TTC13: variants seen among roughly 807,000 people sequenced by gnomAD.
TTC13 encodes the protein tetratricopeptide repeat protein 13.
TTC13 carries 62 observed loss-of-function variants against 120.0 expected under a neutral mutation model. The observed-to-expected ratio is 0.52, with a 90% CI of 0.42 to 0.64. The LOEUF is 0.64. TTC13 is among the 30% of genes least tolerant of loss of function. TTC13 has a pLI of 0.00. For missense variants in TTC13, 824 were observed against 1,050.2 expected (o/e 0.78, Z 2.98); for synonymous variants, 384 against 393.5 (o/e 0.98, Z 0.28).
chr1:230,929,234 C>G, intron 11 of TTC13, 141 bp from the exon 12 acceptor site: 4 of 851,656 alleles, frequency 4.7e-6, no homozygotes, highest in Non-Finnish European at 7.0e-6. Context: ...TAGTAAGTCA[C>G]TATTAGTATA....
In TTC13 at chr1:230,942,875, C is replaced by G. The variant is rs530720080; in HGVS notation, c.672+931G>C. On this transcript the variant is annotated intron_variant, in intron 6 of 22. Coordinates refer to ENST00000366661, the MANE Select transcript of TTC13 (RefSeq NM_024525.5). The surrounding 1 kb of genome is among the most constrained non-coding windows in gnomAD (Gnocchi z 4.0). ...ACACTCCCAACATTCCCCTTCTTCTCTTCCCAAAGAAGCGCCTCCTCTGTC... is the reference window on the plus strand; with the variant it reads ...ACACTCCCAACATTCCCCTTCTTCTGTTCCCAAAGAAGCGCCTCCTCTGTC... 1.5e-3 allele frequency among the ~76,000 whole-genome samples: 231 copies of G among 152,324 alleles called. 2 individuals are homozygous for G. Among genetic ancestry groups the G allele is most frequent in the Middle Eastern group, 0.014 (4 of 294 alleles).
intron 12 of TTC13, 152 bp from the exon 13 acceptor site, chr1:230,925,799 T>G: frequency 1.3e-6 from 1 of 772,650 alleles, no homozygotes; most frequent in Non-Finnish European, 2.1e-6. Flanking sequence ...CACCCAACCA[T>G]ACCTCAGCTT....
intron 8 of TTC13, among the ~76,000 whole-genome samples, chr1:230,938,202 G>A (rs1436937174): frequency 6.6e-6 from 1 of 152,130 alleles, no homozygotes; most frequent in Non-Finnish European, 1.5e-5. Flanking sequence ...CCACCTTCTG[G>A]GGCTCCTGTC....
At chr1:230,925,266 A>C (rs758692748) in intron 13 of TTC13, among the ~76,000 whole-genome samples, 9 of 152,240 alleles carry the variant, frequency 5.9e-5, no homozygotes, top group Admixed American at 2.6e-4. Context: ...TCCCTGGATC[A>C]GCTGTCTGAT....
At chr1:230,951,774 A>C (rs1675608028) in intron 4 of TTC13, among the ~76,000 whole-genome samples, 1 of 81,346 alleles carries the variant, frequency 1.2e-5, no homozygotes, top group African/African-American at 4.4e-5. Context: ...AAGAGTAATT[A>C]GATTTAGAGA....
chr1:230,968,868 C>A (rs538898261), intron 1 of TTC13, among the ~76,000 whole-genome samples: 1 of 152,308 alleles, frequency 6.6e-6, no homozygotes, highest in African/African-American at 2.4e-5. Flanking sequence ...AGCTCTCTAG[C>A]ATGTAGTTAA....
chr1:230,935,628 A>G (rs1280104492), intron 8 of TTC13, among the ~76,000 whole-genome samples: 2 of 152,096 alleles, frequency 1.3e-5, no homozygotes, highest in East Asian at 3.9e-4. Context: ...TAACGTGGGA[A>G]GCTGGGCCAG....
rs1674447261 is a variant in TTC13 at position 230,940,617 on chromosome 1, T to C, written c.673-61A>G. The stretch of plus-strand genomic sequence containing the variant: ...AATGACCAACCCTAAAATCCCAATG[T>C]TTTTGACTCTTCAATTCCACCTCAC... On this transcript the variant is annotated intron_variant, in intron 6 of 22. Transcript: ENST00000366661. This position sits in a 1 kb window ranked among gnomAD's most constrained non-coding sequence, Gnocchi z 4.1. The C allele has an allele frequency of 9.3e-6, 10 of 1,080,902 alleles. No homozygotes were observed. Among genetic ancestry groups the C allele is most frequent in the Non-Finnish European group, 1.4e-5 (10 of 707,810 alleles). 67.0% of individuals were successfully genotyped at this position (1,080,902 alleles called of 1,614,324 possible). A position where few individuals can be genotyped will look rare whatever the true frequency, so the allele number is the denominator to read the frequency against.
chr1:230,931,419 G>A lies in TTC13; in HGVS notation c.1179C>T (p.Leu393=). Residue 393 remains leucine, a synonymous_variant, in exon 11 of 23, where the codon CTC becomes CTT. Transcript: ENST00000366661. ...YNEVCQYMKG[L]SHVAMGQFYE... ...AAAACTGTCCCATGGCAACATGGCT[G>A]AGCCCTTTCATATACTGGCACACTT... 1.2e-6 allele frequency: 2 copies of A among 1,614,182 alleles called. No homozygotes were observed. Among genetic ancestry groups the A allele is most frequent in the Non-Finnish European group, 1.7e-6 (2 of 1,180,032 alleles).
At position 230,925,598 on chromosome 1, in the gene TTC13, G is replaced by T; in HGVS notation, c.1507C>A (p.Leu503Met). Residue 503 changes from leucine (L) to methionine (M), a missense_variant, in exon 13 of 23, where the codon CTG becomes ATG. Physicochemically the swap from Leu to Met is conservative, Grantham distance 15 (BLOSUM62 2). Transcript: ENST00000366661. ...FESYKPEVQE[L>M]ICVADRLGSL... ...CCCAAACGATCAGCCACACAAATCA[G>T]CTCCTGTACTTCAGGCTTATAACTC... The T allele has an allele frequency of 6.2e-7, 1 of 1,614,058 alleles. No individual in the cohort carries two copies.
At chr1:230,939,136 G>A (rs534791726) in intron 8 of TTC13, among the ~76,000 whole-genome samples, 16 of 152,276 alleles carry the variant, frequency 1.1e-4, no homozygotes, top group African/African-American at 3.9e-4. Flanking sequence ...ACATTCTTGA[G>A]TATGTTTACC....
rs140400255 is a variant in TTC13 at position 230,906,915 on chromosome 1, T to G, written c.2573A>C (p.Lys858Thr). 188 of 1,503,376 alleles carry G rather than the reference T, an allele frequency of 1.3e-4. No homozygotes were observed. Among genetic ancestry groups the G allele is most frequent in the Middle Eastern group, 1.8e-4 (1 of 5,644 alleles). 93.1% of individuals were successfully genotyped at this position (1,503,376 alleles called of 1,614,324 possible). A position where few individuals can be genotyped will look rare whatever the true frequency, so the allele number is the denominator to read the frequency against. ...AATACAGCAGCAGAACTAGAGTTTC[T>G]TAAGACAACGTGGAGAAGAGTCTGT... ...LNTDSSPRCL[K>T]KL Residue 858 changes from lysine to threonine, a missense_variant, in exon 23 of 23, where the codon AAG becomes ACG. By Grantham distance (78) the Lys-to-Thr change is moderately conservative (BLOSUM62 -1). Coordinates refer to ENST00000366661, the MANE Select transcript of TTC13 (RefSeq NM_024525.5).
rs1572182199 is a variant in TTC13 at position 230,916,392 on chromosome 1, GT to G, written c.1984-91del. 1.6e-5 allele frequency: 16 copies of G among 1,006,944 alleles called. No homozygotes were observed. In the East Asian group the frequency reaches 3.8e-4, roughly 24 times the overall value. 62.4% of individuals were successfully genotyped at this position (1,006,944 alleles called of 1,614,324 possible). On this transcript the variant is annotated intron_variant, in intron 17 of 22. Transcript: ENST00000366661. ...CTGTAGTGCTGGCTCTACCTTACAT[GT>G]TTTTAAAAAGGGCCAAGGAGGTCAT...
In TTC13 at chr1:230,945,399, T is replaced by C. The variant is rs1231532591; in HGVS notation, c.569A>G (p.Lys190Arg). 1.2e-6 allele frequency: 2 copies of C among 1,613,954 alleles called. No individual in the cohort carries two copies. The highest frequency in any genetic ancestry group is 1.7e-6 in the Non-Finnish European group (2 of 1,179,944). The change falls in exon 5 of 23, where the codon AAG becomes AGG. Residue 190 changes from lysine (K) to arginine (R), a missense_variant. Coordinates refer to ENST00000366661, the MANE Select transcript of TTC13 (RefSeq NM_024525.5). Reference sequence around the variant, plus strand: ...CTATTACATACTCACATGTAGTCCCTTCTTTCCATAGGCTATCCCTCGGCC... The same window carrying C: ...CTATTACATACTCACATGTAGTCCCCTCTTTCCATAGGCTATCCCTCGGCC... ...IYGRGIAYGK[K>R]GLHDIKNAEL...
intron 12 of TTC13, among the ~76,000 whole-genome samples, chr1:230,926,344 T>C (rs1402130223): frequency 6.6e-6 from 1 of 152,062 alleles, no homozygotes; most frequent in African/African-American, 2.4e-5. Context: ...AAGTCATATA[T>C]GACACATTAA....
Position 230,911,463 on chromosome 1 carries a change from T to C in TTC13, c.2309+7A>G. ...TAAAATAATTTTAATGACAGGATAT[T>C]ACTTACCTGGATCCTCGAGAGAGTG... is the stretch of plus-strand genomic sequence containing the variant. On this transcript the variant is annotated splice_region_variant and intron_variant, in intron 20 of 22. Coordinates refer to ENST00000366661, the MANE Select transcript of TTC13 (RefSeq NM_024525.5). 1 of 1,564,830 alleles carries C rather than the reference T, an allele frequency of 6.4e-7. No individual in the cohort carries two copies. The highest frequency in any genetic ancestry group is 8.7e-7 in the Non-Finnish European group (1 of 1,150,806).
In TTC13 at chr1:230,961,254, T is replaced by A. The variant is rs1200301134; in HGVS notation, c.321A>T (p.Ser107=). The A allele has an allele frequency of 6.2e-7, 1 of 1,614,124 alleles. No homozygotes were observed. Among genetic ancestry groups the A allele is most frequent in the Non-Finnish European group, 8.5e-7 (1 of 1,180,008 alleles). ...FHDSDCEPKG[S]SPCDSLLSLN... ...GGGAAAGCAAGGAGTCACAGGGTGA[T>A]GATCCCTTGGGTTCGCAGTCTGAGT... The change falls in exon 2 of 23, where the codon TCA becomes TCT. Residue 107 remains serine, a synonymous_variant. Coordinates refer to ENST00000366661, the MANE Select transcript of TTC13 (RefSeq NM_024525.5).
At position 230,970,196 on chromosome 1, in the gene TTC13, G is replaced by A. The variant is rs111228001; in HGVS notation, c.271+8364C>T. 9.5e-3 allele frequency among the ~76,000 whole-genome samples: 1,446 copies of A among 152,322 alleles called. 23 individuals carry two copies. Among genetic ancestry groups the A allele is most frequent in the African/African-American group, 0.033 (1,354 of 41,560 alleles). On this transcript the variant is annotated intron_variant, in intron 1 of 22. Coordinates refer to ENST00000366661, the MANE Select transcript of TTC13 (RefSeq NM_024525.5). ...AACAGTTTAGGTATAGCAGTGTCTT[G>A]AAACTTCTTTCCTCTCCTCCTAAAC...
chr1:230,910,624 G>A (rs1671406176), intron 20 of TTC13, among the ~76,000 whole-genome samples: 1 of 152,238 alleles, frequency 6.6e-6, no homozygotes, highest in Non-Finnish European at 1.5e-5. Flanking sequence ...GAGCTGCTGT[G>A]AGGACAAAGG....
Sources: allele counts gnomAD v4.1 joint callset (sites outside exome capture counted in the v4.1 genomes callset), GRCh38; gene constraint gnomAD v4.1.1; non-coding constraint Gnocchi (gnomAD v3.1); transcripts MANE v1.5; gene names NCBI Gene and HGNC (gene_info 2026-07-23, HGNC 2026-07-21).